TRIP12: variants seen among roughly 807,000 people sequenced by gnomAD.
TRIP12 encodes thyroid hormone receptor interactor 12, also known as E3 ubiquitin-protein ligase TRIP12.
A neutral mutation model predicts 244.2 loss-of-function variants in TRIP12; 25 were observed. The observed-to-expected ratio is 0.10, with a 90% CI of 0.07 to 0.14. The LOEUF is 0.14. TRIP12 is among the 10% of genes least tolerant of loss of function. The pLI, the probability that TRIP12 is intolerant of heterozygous loss-of-function variation, is 1.00. For synonymous variants in TRIP12, 905 were observed against 873.1 expected, an observed-to-expected ratio of 1.04 and a Z score of -0.64; for missense variants, 1,677 against 2,486.4, an observed-to-expected ratio of 0.67 and a Z score of 6.92.
chr2:229,830,946 A>G (rs2053187912), intron 6 of TRIP12, 107 bp from the exon 7 acceptor site: 1 of 898,886 alleles, frequency 1.1e-6, no homozygotes, highest in South Asian at 1.5e-5. Flanking sequence ...GAATAAAGGC[A>G]ATTAAACTTG....
At chr2:229,875,396 CAG>C (rs914873445) in intron 2 of TRIP12, among the ~76,000 whole-genome samples, 9 of 152,164 alleles carry the variant, frequency 5.9e-5, no homozygotes, top group Non-Finnish European at 1.0e-4. Context: ...TAGAAAAAAA[CAG>C]AGTGGGTCAA....
chr2:229,919,516 C>G (rs149927614), intron 1 of TRIP12, among the ~76,000 whole-genome samples: 2 of 152,132 alleles, frequency 1.3e-5, no homozygotes, highest in African/African-American at 4.8e-5. Flanking sequence ...CCGTGATCTA[C>G]CTAGCATCCC....
chr2:229,861,355 T>C (rs902742684), intron 2 of TRIP12, among the ~76,000 whole-genome samples: 1 of 152,180 alleles, frequency 6.6e-6, no homozygotes, highest in Non-Finnish European at 1.5e-5. Flanking sequence ...GAGATTTACA[T>C]AAGCAATAAA....
At position 229,774,136 on chromosome 2, in the gene TRIP12, A is replaced by G. The variant is rs1232128293; in HGVS notation, c.5655T>C (p.Asp1885=). 1 of 1,614,098 alleles carries G rather than the reference A, an allele frequency of 6.2e-7. No individual in the cohort carries two copies. The highest frequency in any genetic ancestry group is 1.1e-5 in the South Asian group (1 of 91,074). The change falls in exon 38 of 42, where the codon GAT becomes GAC. Residue 1885 remains aspartate (D), a synonymous_variant. Coordinates refer to ENST00000675903, the MANE Select transcript of TRIP12 (RefSeq NM_001348323.3). Reference sequence around the variant, plus strand: ...CTAAATTGTGGATAGTGACTGGTATATCCTTCCCTCCTTTCTTCAGTTCGA... The same window carrying G: ...CTAAATTGTGGATAGTGACTGGTATGTCCTTCCCTCCTTTCTTCAGTTCGA... ...PNIELKKGGK[D]IPVTIHNLEE... is the part of the protein sequence containing the mutation.
At position 229,808,379 on chromosome 2, in the gene TRIP12, C is replaced by T; in HGVS notation, c.2222-10G>A. 1.3e-6 allele frequency: 2 copies of T among 1,596,886 alleles called. No individual in the cohort carries two copies. Among genetic ancestry groups the T allele is most frequent in the Non-Finnish European group, 8.6e-7 (1 of 1,168,662 alleles). The stretch of plus-strand genomic sequence containing the variant: ...AGCGTTTCTGCAATGTCTGTAAAAA[C>T]CAACAACAAAAAACAAAAGGCTATT... On this transcript the variant is annotated splice_polypyrimidine_tract_variant and intron_variant, in intron 15 of 41. Coordinates refer to ENST00000675903, the MANE Select transcript of TRIP12 (RefSeq NM_001348323.3).
chr2:229,829,041 C>G (rs1249736407), intron 8 of TRIP12, 152 bp downstream of exon 8: 2 of 520,924 alleles, frequency 3.8e-6, no homozygotes, highest in African/African-American at 3.9e-5. Context: ...GCAATGAAAG[C>G]TGTATTTAAG....
chr2:229,881,190 A>T (rs1327700943), intron 1 of TRIP12, among the ~76,000 whole-genome samples: 1 of 152,232 alleles, frequency 6.6e-6, no homozygotes, highest in Non-Finnish European at 1.5e-5. Flanking sequence ...TTTTTAGCTC[A>T]AATTTAGCTC....
intron 2 of TRIP12, 86 bp downstream of exon 2, chr2:229,879,896 A>G: frequency 7.0e-7 from 1 of 1,438,604 alleles, no homozygotes; most frequent in Non-Finnish European, 9.8e-7. Context: ...GCAATGAACC[A>G]TTCAAGTTTT....
At chr2:229,871,625 A>G (rs2062622921) in intron 2 of TRIP12, among the ~76,000 whole-genome samples, 1 of 152,184 alleles carries the variant, frequency 6.6e-6, no homozygotes, top group African/African-American at 2.4e-5. Context: ...CCAGCGCCAC[A>G]CTTTTTGTAC....
rs781581781 is a variant in TRIP12, at chr2:229,805,785, C to T, written c.2595G>A (p.Thr865=). The T allele has an allele frequency of 2.0e-5, 33 of 1,610,264 alleles. No homozygotes were observed. The East Asian group carries it at 2.9e-4, about 14-fold the overall frequency. Residue 865 remains threonine, a synonymous_variant, in exon 18 of 42, where the codon ACG becomes ACA. Transcript: ENST00000675903. ...FNSMQQINED[T]GTARAIQRKP... ...TTCTCTGAATGGCACGTGCTGTTCC[C>T]GTGTCCTCATTGATTTGCTGCATAG...
At chr2:229,815,811 T>C (rs1180735880) in intron 9 of TRIP12, among the ~76,000 whole-genome samples, 1 of 152,172 alleles carries the variant, frequency 6.6e-6, no homozygotes, top group African/African-American at 2.4e-5. Context: ...TACAGTAATA[T>C]AGAATTTAAA....
chr2:229,873,390 C>T (rs1023114694), intron 2 of TRIP12, among the ~76,000 whole-genome samples: 21 of 152,164 alleles, frequency 1.4e-4, no homozygotes, highest in African/African-American at 3.6e-4. Flanking sequence ...CCTAAACCTA[C>T]CTAACTATCC....
chr2:229,873,669 T>C (rs1310778376), intron 2 of TRIP12, among the ~76,000 whole-genome samples: 1 of 152,184 alleles, frequency 6.6e-6, no homozygotes, highest in Non-Finnish European at 1.5e-5. Flanking sequence ...AATAGTTTTT[T>C]TAAGTGAAAA....
intron 1 of TRIP12, among the ~76,000 whole-genome samples, chr2:229,897,597 A>C (rs1206921358): frequency 6.6e-6 from 1 of 152,266 alleles, no homozygotes; most frequent in Non-Finnish European, 1.5e-5. Flanking sequence ...CAGTCAGCTG[A>C]GATCGTGCCA....
At chr2:229,863,999 GGTGAAAGAGAGA>G (rs2060906572) in intron 2 of TRIP12, among the ~76,000 whole-genome samples, 1 of 76,878 alleles carries the variant, frequency 1.3e-5, no homozygotes, top group South Asian at 6.3e-4. Flanking sequence ...CAAAGATTTG[GGTGAAAGAGAGA>G]GAGAGAGAGA....
At chr2:229,808,080 T>C (rs2046325924) in intron 16 of TRIP12, among the ~76,000 whole-genome samples, 172 bp downstream of exon 16, 1 of 151,954 alleles carries the variant, frequency 6.6e-6, no homozygotes, top group Non-Finnish European at 1.5e-5. Flanking sequence ...ATTTCTCCTG[T>C]CTTGGCCTCC....
intron 1 of TRIP12, among the ~76,000 whole-genome samples, chr2:229,919,043 T>A (rs1001766973): frequency 6.6e-6 from 1 of 152,222 alleles, no homozygotes; most frequent in Non-Finnish European, 1.5e-5. Context: ...AGTGATGTTT[T>A]CCTTGCTAAG....
intron 1 of TRIP12, among the ~76,000 whole-genome samples, chr2:229,914,821 A>G (rs1385019233): frequency 6.6e-6 from 1 of 152,228 alleles, no homozygotes; most frequent in East Asian, 1.9e-4. Context: ...GCTTATAAAT[A>G]GCCTTCAAAA....
At chr2:229,889,115 A>T (rs2066727510) in intron 1 of TRIP12, among the ~76,000 whole-genome samples, 1 of 152,212 alleles carries the variant, frequency 6.6e-6, no homozygotes, top group South Asian at 2.1e-4. Flanking sequence ...CAGGGGGAAA[A>T]AAATTAAGAG....
Sources: gnomAD v4.1 joint callset for allele counts (sites outside exome capture counted in the v4.1 genomes callset) on GRCh38, gnomAD v4.1.1 for gene constraint, MANE v1.5 for transcripts, NCBI Gene and HGNC (gene_info 2026-07-23, HGNC 2026-07-21) for gene names.